Variants in MBD6 observed in about 807,000 individuals in gnomAD.
MBD6 encodes the protein methyl-CpG-binding domain protein 6.
Under a neutral mutation model 66.8 loss-of-function variants are expected in MBD6, and 22 were observed. The observed-to-expected ratio is 0.33, with a 90% CI of 0.24 to 0.47. The LOEUF (loss-of-function observed/expected upper bound fraction) is 0.47. Ranked by LOEUF, MBD6 falls within the 20% of genes least tolerant of loss-of-function variation. The probability of loss-of-function intolerance (pLI) is 1.00; values close to 1 mark genes in which losing one functional copy is unlikely to be tolerated. For synonymous variants in MBD6, 540 were observed against 534.6 expected (o/e 1.01, Z -0.14); for missense variants, 1,322 against 1,286.9 (o/e 1.03, Z -0.42).
At chr12:57,525,183 G>A (rs1878784386) in intron 5 of MBD6, 68 bp downstream of exon 5, 1 of 1,559,368 alleles carries the variant, frequency 6.4e-7, no homozygotes, top group South Asian at 1.2e-5. Context: ...GTGGTGGGAG[G>A]AGTTCCTTGA....
In MBD6 at chr12:57,528,673, C is replaced by G. The variant is rs374027869; in HGVS notation, c.2828C>G (p.Pro943Arg). ...GPHSEDLKVP[P>R]GVVRKSRRGR... ...TAGTCCATCTTTTCTCAGGTGCCCC[C>G]GGGAGTAGTCAGAAAGTCTCGTCGT... Residue 943 changes from proline to arginine, a missense_variant, in exon 11 of 13, where the codon CCG becomes CGG. Transcript: ENST00000355673. 4 of 1,613,944 alleles carry G rather than the reference C, an allele frequency of 2.5e-6. No homozygotes were observed. The African/African-American group carries it at 4.0e-5, about 16-fold the overall frequency.
chr12:57,527,679 GAATTCACACTCT>G lies in MBD6; in HGVS notation c.2236+20_2236+31del. ...CTGCTGGGTGAGTCTGAGGGAGTGT[GAATTCACACTCT>G]TGGTGTGAAAAAGCAGGAGTAAAAC... On this transcript the variant is annotated intron_variant, in intron 8 of 12. Coordinates refer to ENST00000355673, the MANE Select transcript of MBD6 (RefSeq NM_052897.4). 6.4e-7 allele frequency: 1 copy of G among 1,571,636 alleles called. No homozygotes were observed. Among genetic ancestry groups the G allele is most frequent in the Non-Finnish European group, 8.6e-7 (1 of 1,160,310 alleles).
rs1343513501 is a variant in MBD6 at position 57,526,243 on chromosome 12, C to T, written c.1275C>T (p.His425=). ...LLGLPTPGPS[H]SDGSFNLLGS... is the part of the protein sequence containing the mutation. The stretch of plus-strand genomic sequence containing the variant: ...GACTCCCCACCCCTGGCCCTTCCCA[C>T]TCTGATGGAAGCTTTAACCTTTTGG... The change falls in exon 6 of 13, where the codon CAC becomes CAT. Residue 425 remains histidine, a synonymous_variant. Transcript: ENST00000355673. 2 of 1,613,884 alleles carry T rather than the reference C, an allele frequency of 1.2e-6. No homozygotes were observed. Among genetic ancestry groups the T allele is most frequent in the Admixed American group, 1.7e-5 (1 of 59,992 alleles).
At position 57,525,068 on chromosome 12, in the gene MBD6, C is replaced by G. The variant is rs1336168909; in HGVS notation, c.332C>G (p.Ala111Gly). The change falls in exon 5 of 13, where the codon GCA (alanine) becomes GGA (glycine). Residue 111 changes from alanine (A) to glycine (G), a missense_variant. By Grantham distance (60) the Ala-to-Gly change is moderately conservative. Coordinates refer to ENST00000355673, the MANE Select transcript of MBD6 (RefSeq NM_052897.4). ...CNHRRKAVAM[A>G]TLYRSMETTC... ...CACCGGCGGAAAGCTGTTGCTATGGCAACTCTGTACCGCAGCATGGAGACC... is the reference window on the plus strand; with the variant it reads ...CACCGGCGGAAAGCTGTTGCTATGGGAACTCTGTACCGCAGCATGGAGACC... 6.2e-7 allele frequency: 1 copy of G among 1,613,040 alleles called. No individual in the cohort carries two copies. Among genetic ancestry groups the G allele is most frequent in the Non-Finnish European group, 8.5e-7 (1 of 1,179,760 alleles).
At chr12:57,523,558 TTGTC>T (rs1267342325) in intron 1 of MBD6, among the ~76,000 whole-genome samples, 2 of 152,140 alleles carry the variant, frequency 1.3e-5, no homozygotes, top group Admixed American at 1.3e-4. Context: ...ATATCAGCGA[TTGTC>T]TGATGGAGCA....
chr12:57,528,421 G>C lies in MBD6; in HGVS notation c.2681G>C (p.Gly894Ala), dbSNP rs1309493114. 2 of 1,613,346 alleles carry C rather than the reference G, an allele frequency of 1.2e-6. No homozygotes were observed. Among genetic ancestry groups the C allele is most frequent in the African/African-American group, 2.7e-5 (2 of 74,936 alleles). Residue 894 changes from glycine to alanine, a missense_variant, in exon 10 of 13, where the codon GGG becomes GCG. Transcript: ENST00000355673. The stretch of plus-strand genomic sequence containing the variant: ...CCTGGCCGACTGGCCCTCAAATGGG[G>C]GACACGTGGTGGCTTCAATGGACAA... ...REPGRLALKW[G>A]TRGGFNGQME...
chr12:57,526,547 T>C lies in MBD6; in HGVS notation c.1421-19T>C. ...GAGAAAGGGCCTCCCTTGAGCTGAA[T>C]TTCTCTCCTCTTTTACAGGTGCCCC... On this transcript the variant is annotated intron_variant, in intron 6 of 12. Transcript: ENST00000355673. 6.6e-7 allele frequency: 1 copy of C among 1,511,558 alleles called. No individual in the cohort carries two copies. The highest frequency in any genetic ancestry group is 2.3e-5 in the East Asian group (1 of 43,656). 93.6% of individuals were successfully genotyped at this position (1,511,558 alleles called of 1,614,324 possible).
At position 57,527,569 on chromosome 12, in the gene MBD6, T is replaced by A. The variant is rs762081255; in HGVS notation, c.2145T>A (p.Thr715=). 1 of 1,614,106 alleles carries A rather than the reference T, an allele frequency of 6.2e-7. No individual in the cohort carries two copies. ...PPTSSVTTAT[T]DPGASSLGKA... The stretch of plus-strand genomic sequence containing the variant: ...CCTCCAGTGTCACCACGGCAACTAC[T>A]GACCCGGGGGCCTCCTCTCTGGGCA... The change falls in exon 8 of 13, where the codon ACT becomes ACA. Residue 715 remains threonine (T), a synonymous_variant. Coordinates refer to ENST00000355673, the MANE Select transcript of MBD6 (RefSeq NM_052897.4).
In MBD6 at chr12:57,527,109, G is replaced by T; in HGVS notation, c.1964G>T (p.Gly655Val). The T allele has an allele frequency of 6.3e-7, 1 of 1,591,244 alleles. No individual in the cohort carries two copies. Among genetic ancestry groups the T allele is most frequent in the South Asian group, 1.1e-5 (1 of 87,854 alleles). The change falls in exon 7 of 13, where the codon GGC becomes GTC. Residue 655 changes from glycine to valine, a missense_variant. Transcript: ENST00000355673. ...AGGPSGEPFS[G>V]LGDLSPLLFP... is the part of the protein sequence containing the mutation. ...GGTCCAAGTGGGGAGCCATTTTCAG[G>T]CTTGGGAGACCTGTCCCCCCTACTT...
chr12:57,531,205 T>C (rs1051271866), downstream of MBD6, among the ~76,000 whole-genome samples: 1 of 152,212 alleles, frequency 6.6e-6, no homozygotes, highest in African/African-American at 2.4e-5. Flanking sequence ...CTTCCAGCAC[T>C]GAGAACAGTG....
chr12:57,527,567 A>G lies in MBD6; in HGVS notation c.2143A>G (p.Thr715Ala). Residue 715 changes from threonine to alanine, a missense_variant, in exon 8 of 13, where the codon ACT becomes GCT. Physicochemically the swap from Thr to Ala is moderately conservative, Grantham distance 58. Transcript: ENST00000355673. ...PPTSSVTTATTDPGASSLGKA... is the reference protein window; with the variant it reads ...PPTSSVTTATADPGASSLGKA... ...TACCTCCAGTGTCACCACGGCAACTACTGACCCGGGGGCCTCCTCTCTGGG... is the reference window on the plus strand; with the variant it reads ...TACCTCCAGTGTCACCACGGCAACTGCTGACCCGGGGGCCTCCTCTCTGGG... 6.2e-7 allele frequency: 1 copy of G among 1,613,934 alleles called. No individual in the cohort carries two copies. Among genetic ancestry groups the G allele is most frequent in the South Asian group, 1.1e-5 (1 of 91,072 alleles).
At chr12:57,522,770 G>GGCGGCGGCGGCA, upstream of MBD6, 2 of 158,500 alleles carry the variant, frequency 1.3e-5, no homozygotes, top group Non-Finnish European at 1.3e-5. Flanking sequence ...CGGCGGCGGC[G>GGCGGCGGCGGCA]GCAGCGGCAG....
chr12:57,527,276 G>A, intron 7 of MBD6, 49 bp downstream of exon 7: 1 of 1,249,748 alleles, frequency 8.0e-7, no homozygotes, highest in Non-Finnish European at 1.1e-6. Context: ...TAGAATAAGA[G>A]ATGGGAGCTG....
Position 57,524,828 on chromosome 12 carries a change from A to C in MBD6, c.216+6A>C. On this transcript the variant is annotated splice_donor_region_variant and intron_variant, in intron 4 of 12. Transcript: ENST00000355673. Reference sequence around the variant, plus strand: ...GTCCACTTAATGTCCCCAAGGTCAGAGTGGTGAGGGGCGCCTGAGAGTACA... The same window carrying C: ...GTCCACTTAATGTCCCCAAGGTCAGCGTGGTGAGGGGCGCCTGAGAGTACA... 1 of 1,614,180 alleles carries C rather than the reference A, an allele frequency of 6.2e-7. No homozygotes were observed. Among genetic ancestry groups the C allele is most frequent in the Non-Finnish European group, 8.5e-7 (1 of 1,179,984 alleles).
Position 57,526,908 on chromosome 12 carries a change from C to G in MBD6, c.1763C>G (p.Ala588Gly), listed in dbSNP as rs752497486. ...CCAGGAGGACCTGGTCCTCCCCTAG[C>G]CCCAGGAGAGCCTGAAGGGCCTTCG... ...PPPGGPGPPL[A>G]PGEPEGPSLL... Residue 588 changes from alanine (A) to glycine (G), a missense_variant, in exon 7 of 13, where the codon GCC (alanine) becomes GGC (glycine). By Grantham distance (60) the Ala-to-Gly change is moderately conservative (BLOSUM62 0). Transcript: ENST00000355673. 12 of 1,613,628 alleles carry G rather than the reference C, an allele frequency of 7.4e-6. No individual in the cohort carries two copies. The African/African-American group carries it at 1.1e-4, about 14-fold the overall frequency.
Position 57,529,006 on chromosome 12 carries a change from C to T in MBD6, c.2934C>T (p.Ala978=), listed in dbSNP as rs1185483243. The change falls in exon 12 of 13, where the codon GCC becomes GCT. Residue 978 remains alanine, a synonymous_variant. Coordinates refer to ENST00000355673, the MANE Select transcript of MBD6 (RefSeq NM_052897.4). The part of the protein sequence containing the change: ...QDITLEPSPT[A]RAAVPLPPRA... ...TTACCTTGGAACCCAGCCCTACAGCCCGAGTAAGTGTGTGTTTGGGTGGAT... is the reference window on the plus strand; with the variant it reads ...TTACCTTGGAACCCAGCCCTACAGCTCGAGTAAGTGTGTGTTTGGGTGGAT... 1.3e-5 allele frequency: 21 copies of T among 1,613,848 alleles called. No homozygotes were observed. The highest frequency in any genetic ancestry group is 1.7e-5 in the Non-Finnish European group (20 of 1,180,002).
At chr12:57,520,837 T>TCTGCAC (rs1387432963), upstream of MBD6, 1 of 165,350 alleles carries the variant, frequency 6.0e-6, no homozygotes, top group Non-Finnish European at 1.3e-5. Flanking sequence ...GCAACCGGTG[T>TCTGCAC]CTGCACGCGC....
intron 7 of MBD6, 29 bp downstream of exon 7, chr12:57,527,256 G>A (rs1879061160): frequency 1.1e-5 from 15 of 1,384,532 alleles, no homozygotes; most frequent in Non-Finnish European, 1.5e-5. Flanking sequence ...AGGTGGGACA[G>A]AACAAGATGT....
Position 57,528,953 on chromosome 12 carries a change from C to T in MBD6, c.2881C>T (p.Arg961Trp), listed in dbSNP as rs1046467129. The T allele has an allele frequency of 1.3e-5, 21 of 1,614,012 alleles. 1 individual carries two copies. Among genetic ancestry groups the T allele is most frequent in the South Asian group, 3.3e-5 (3 of 91,080 alleles). ...CTGTGCCCCTTATTGCAGCCCTACC[C>T]GGAACAGCAATAGCTCCCGCCAGGA... The part of the protein sequence containing the change: ...RGRRRKYNPT[R>W]NSNSSRQDIT... Residue 961 changes from arginine to tryptophan, a missense_variant, in exon 12 of 13, where the codon CGG becomes TGG. Arg to Trp is a moderately radical substitution (Grantham distance 101). Transcript: ENST00000355673.
Sources: allele counts gnomAD v4.1 joint callset (sites outside exome capture counted in the v4.1 genomes callset), GRCh38; gene constraint gnomAD v4.1.1; transcripts MANE v1.5; gene names NCBI Gene and HGNC (gene_info 2026-07-23, HGNC 2026-07-21).